Variants in ANO2 observed in about 807,000 individuals in gnomAD.
The protein encoded by ANO2 is anoctamin 2, also known as anoctamin-2.
In ANO2, 101 loss-of-function variants were observed where a neutral mutation model predicts 124.2. The ratio of observed to expected loss-of-function variants is 0.81; its 90% CI spans 0.69 to 0.96. The LOEUF is 0.96. Ranked by LOEUF, ANO2 falls within the 40% of genes least tolerant of loss-of-function variation. The pLI, the probability that ANO2 is intolerant of heterozygous loss-of-function variation, is 0.00. For synonymous variants in ANO2, 486 were observed against 482.5 expected (o/e 1.01, Z -0.09); for missense variants, 1,293 against 1,274.5 (o/e 1.01, Z -0.22).
intron 16 of ANO2, among the ~76,000 whole-genome samples, chr12:5,623,497 G>A (rs888332204): frequency 4.6e-5 from 7 of 152,060 alleles, no homozygotes; most frequent in Non-Finnish European, 7.4e-5. Flanking sequence ...CTGCTGCATC[G>A]TGTCATGAAA....
chr12:5,818,512 T>C (rs1333601437), intron 7 of ANO2, among the ~76,000 whole-genome samples: 1 of 140,372 alleles, frequency 7.1e-6, no homozygotes, highest in Non-Finnish European at 1.5e-5. Context: ...TAATAGGATA[T>C]ATATATATAT....
At chr12:5,933,641 C>T (rs1210991625) in intron 1 of ANO2, among the ~76,000 whole-genome samples, 1 of 152,224 alleles carries the variant, frequency 6.6e-6, no homozygotes, top group Non-Finnish European at 1.5e-5. Flanking sequence ...CTTCCACTGT[C>T]TTGAGGCTTA....
upstream of ANO2, chr12:5,946,087 C>T: frequency 6.3e-7 from 1 of 1,579,442 alleles, no homozygotes; most frequent in Non-Finnish European, 8.7e-7. This position sits in a 1 kb window ranked among gnomAD's most constrained non-coding sequence, Gnocchi z 4.1. Context: ...TTCATTAATA[C>T]CATGGACCCC....
intron 1 of ANO2, among the ~76,000 whole-genome samples, chr12:5,935,759 A>G (rs1485124084): frequency 6.6e-6 from 1 of 152,218 alleles, no homozygotes; most frequent in East Asian, 1.9e-4. Flanking sequence ...AACCTTGGAT[A>G]TTCATTAGAA....
chr12:5,916,363 A>G lies in ANO2; in HGVS notation c.534+4677T>C, dbSNP rs80094559. Among the ~76,000 whole-genome samples the G allele has an allele frequency of 1.0e-3, 159 of 152,258 alleles. 1 individual carries two copies. Among genetic ancestry groups the G allele is most frequent in the East Asian group, 6.7e-3 (35 of 5,190 alleles). Reference sequence around the variant, plus strand: ...AAATAAAGTGCTAGAGAAAAAAGTAAAAAACAGAATGGGCTATAAAACAGT... The same window carrying G: ...AAATAAAGTGCTAGAGAAAAAAGTAGAAAACAGAATGGGCTATAAAACAGT... On this transcript the variant is annotated intron_variant, in intron 3 of 24. Coordinates refer to ENST00000682330, the MANE Select transcript of ANO2 (RefSeq NM_001364791.2).
chr12:5,565,641 G>A lies in ANO2; in HGVS notation c.2644C>T (p.Pro882Ser), dbSNP rs1216640263. 3.1e-6 allele frequency: 5 copies of A among 1,601,406 alleles called. No homozygotes were observed. In the African/African-American group the frequency reaches 6.7e-5, roughly 21 times the overall value. ...FCRFKDYREPPWAPNPYEFSK... is the reference protein window; with the variant it reads ...FCRFKDYREPSWAPNPYEFSK... ...AACTCATAAGGGTTCGGGGCCCATG[G>A]CGGCTCTCGGTAATCCTTAAACCTG... The change falls in exon 24 of 25, where the codon CCA becomes TCA. Residue 882 changes from proline to serine, a missense_variant. Transcript: ENST00000682330.
At chr12:5,568,503 C>T (rs1197290555) in intron 23 of ANO2, among the ~76,000 whole-genome samples, 1 of 152,092 alleles carries the variant, frequency 6.6e-6, no homozygotes, top group Non-Finnish European at 1.5e-5. Context: ...CTCCTAAGCC[C>T]CTACCACCAG....
At chr12:5,622,525 G>T (rs933485110) in intron 16 of ANO2, among the ~76,000 whole-genome samples, 1 of 152,190 alleles carries the variant, frequency 6.6e-6, no homozygotes, top group East Asian at 1.9e-4. Context: ...TGGGAAAGGG[G>T]CCTCAGGGAA....
intron 1 of ANO2, among the ~76,000 whole-genome samples, chr12:5,933,942 G>A (rs1398830099): frequency 1.3e-5 from 2 of 152,164 alleles, no homozygotes; most frequent in African/African-American, 2.4e-5. Context: ...ACAGGACTCT[G>A]GATGCAATAA....
intron 1 of ANO2, among the ~76,000 whole-genome samples, chr12:5,931,794 C>T (rs67486379): frequency 2.6e-3 from 224 of 85,454 alleles, no homozygotes; most frequent in African/African-American, 7.8e-3. Flanking sequence ...GGAAAGAAGG[C>T]AGACGAGTGA....
At chr12:5,788,274 A>C (rs1432431247) in intron 10 of ANO2, among the ~76,000 whole-genome samples, 2 of 152,228 alleles carry the variant, frequency 1.3e-5, no homozygotes, top group Non-Finnish European at 2.9e-5. Flanking sequence ...ACATGAACAC[A>C]ATACAGAAAT....
rs763563247 is a variant in ANO2, at chr12:5,806,099, G to T, written c.949-6C>A. Reference sequence around the variant, plus strand: ...TCTGGACTATCGTATTCACCCTGTGGAGAAAAAGTGATGCTGGATAAAGCC... The same window carrying T: ...TCTGGACTATCGTATTCACCCTGTGTAGAAAAAGTGATGCTGGATAAAGCC... On this transcript the variant is annotated splice_region_variant and splice_polypyrimidine_tract_variant and intron_variant, in intron 8 of 24. Transcript: ENST00000682330. 4 of 1,612,808 alleles carry T rather than the reference G, an allele frequency of 2.5e-6. No individual in the cohort carries two copies. The Admixed American group carries it at 6.7e-5, about 27-fold the overall frequency.
chr12:5,873,239 C>G (rs1431057803), intron 3 of ANO2, among the ~76,000 whole-genome samples: 3 of 144,826 alleles, frequency 2.1e-5, no homozygotes, highest in African/African-American at 5.3e-5. Flanking sequence ...CTCTCTCTCT[C>G]TCTCTCTGTC....
intron 15 of ANO2, among the ~76,000 whole-genome samples, chr12:5,640,467 G>A (rs535614084): frequency 3.9e-5 from 6 of 152,184 alleles, no homozygotes; most frequent in East Asian, 1.9e-4. Flanking sequence ...GGAAATTTTT[G>A]CAATCTGCCC....
intron 17 of ANO2, among the ~76,000 whole-genome samples, chr12:5,613,403 A>T (rs1173881350): frequency 6.6e-6 from 1 of 152,192 alleles, no homozygotes; most frequent in East Asian, 1.9e-4. Context: ...GCGAATAGAG[A>T]TTCCTGGGGT....
chr12:5,589,718 G>A (rs1361899072), intron 20 of ANO2, among the ~76,000 whole-genome samples: 3 of 152,164 alleles, frequency 2.0e-5, no homozygotes, highest in African/African-American at 7.2e-5. Flanking sequence ...AGGTGGTAAG[G>A]AGCAGGTGAC....
chr12:5,715,343 C>A (rs969780763), intron 14 of ANO2, among the ~76,000 whole-genome samples: 1 of 152,144 alleles, frequency 6.6e-6, no homozygotes, highest in Non-Finnish European at 1.5e-5. Flanking sequence ...TGGCCTTAGT[C>A]CAACTGATAA....
chr12:5,666,602 GA>G (rs1947732107), intron 14 of ANO2, among the ~76,000 whole-genome samples: 1 of 152,142 alleles, frequency 6.6e-6, no homozygotes, highest in Non-Finnish European at 1.5e-5. Context: ...ATTTTACCTT[GA>G]AAAAATAAAA....
At chr12:5,730,867 C>T (rs1950604234) in intron 14 of ANO2, among the ~76,000 whole-genome samples, 2 of 152,236 alleles carry the variant, frequency 1.3e-5, no homozygotes, top group Admixed American at 1.3e-4. Flanking sequence ...ATGCTTTGAG[C>T]TTTGCATTCT....
Sources: allele counts gnomAD v4.1 joint callset (sites outside exome capture counted in the v4.1 genomes callset), GRCh38; gene constraint gnomAD v4.1.1; non-coding constraint Gnocchi (gnomAD v3.1); transcripts MANE v1.5; gene names NCBI Gene and HGNC (gene_info 2026-07-23, HGNC 2026-07-21).